The following NPAS3 variants were observed in gnomAD, a reference collection of about 807,000 sequenced individuals.
The protein encoded by NPAS3 is neuronal PAS domain protein 3.
A neutral mutation model predicts 73.1 loss-of-function variants in NPAS3; 14 were observed. The observed-to-expected ratio is 0.19, with a 90% CI of 0.13 to 0.30. The LOEUF (loss-of-function observed/expected upper bound fraction) is 0.30, where lower values mean the gene tolerates loss of function less well. NPAS3 is among the 10% of genes least tolerant of loss of function. The pLI, the probability that NPAS3 is intolerant of heterozygous loss-of-function variation, is 1.00. For missense variants in NPAS3, 1,096 were observed against 1,250.0 expected, an observed-to-expected ratio of 0.88 and a Z score of 1.86; for synonymous variants, 620 against 541.5, an observed-to-expected ratio of 1.14 and a Z score of -2.01.
intron 2 of NPAS3, among the ~76,000 whole-genome samples, chr14:33,088,846 G>GCAGCAACATTTGCTGTT (rs2138787834): frequency 6.6e-6 from 1 of 152,318 alleles, no homozygotes; most frequent in African/African-American, 2.4e-5. Context: ...GAACCATCAG[G>GCAGCAACATTTGCTGTT]CAGCAACATT....
At chr14:33,746,848 C>G (rs944326059) in intron 7 of NPAS3, among the ~76,000 whole-genome samples, 24 of 151,986 alleles carry the variant, frequency 1.6e-4, no homozygotes, top group Admixed American at 1.4e-3. Context: ...CACCCACTAA[C>G]TCGTCATCTA....
intron 5 of NPAS3, among the ~76,000 whole-genome samples, chr14:33,661,746 T>C (rs1444472879): frequency 2.0e-5 from 3 of 152,370 alleles, no homozygotes; most frequent in Non-Finnish European, 4.4e-5. Flanking sequence ...TCTATATTAT[T>C]ACATATTCAT....
chr14:33,624,725 G>C (rs990914272), intron 5 of NPAS3, among the ~76,000 whole-genome samples: 1 of 152,158 alleles, frequency 6.6e-6, no homozygotes, highest in African/African-American at 2.4e-5. Context: ...CAGTTTGAAT[G>C]AAAGGACCAG....
rs2043489339 is a variant in NPAS3, at chr14:33,127,928, A to C, written c.140+71934A>C. Among the ~76,000 whole-genome samples, 3 of 152,278 alleles carry C rather than the reference A, an allele frequency of 2.0e-5. No homozygotes were observed. In the South Asian group the frequency reaches 6.2e-4, roughly 32 times the overall value. Reference sequence around the variant, plus strand: ...ATCACTAAGACTTATTAAGGGAGGCATAGATTTATAAATTTCTTCCTGGAC... The same window carrying C: ...ATCACTAAGACTTATTAAGGGAGGCCTAGATTTATAAATTTCTTCCTGGAC... On this transcript the variant is annotated intron_variant, in intron 2 of 11. Coordinates refer to ENST00000356141, the Ensembl canonical transcript of NPAS3.
At chr14:33,404,938 A>C (rs1301112117) in intron 4 of NPAS3, among the ~76,000 whole-genome samples, 1 of 152,062 alleles carries the variant, frequency 6.6e-6, no homozygotes, top group Non-Finnish European at 1.5e-5. Context: ...TGTTTGTCCC[A>C]TGTTGCTCTT....
intron 3 of NPAS3, among the ~76,000 whole-genome samples, chr14:33,261,602 G>T (rs938982982): frequency 6.6e-6 from 1 of 151,992 alleles, no homozygotes; most frequent in Non-Finnish European, 1.5e-5. Flanking sequence ...AATATTAAGG[G>T]GTAGTATTTT....
chr14:33,041,597 A>G (rs1488170813), intron 1 of NPAS3, among the ~76,000 whole-genome samples: 2 of 152,202 alleles, frequency 1.3e-5, no homozygotes, highest in African/African-American at 4.8e-5. Context: ...AAATACTGTT[A>G]CCGAAACACT....
At chr14:33,544,591 C>T (rs2139654258) in intron 4 of NPAS3, among the ~76,000 whole-genome samples, 1 of 151,190 alleles carries the variant, frequency 6.6e-6, no homozygotes, top group South Asian at 2.1e-4. Flanking sequence ...AAAAGGTGAG[C>T]CACACCCTTC....
At chr14:33,506,907 T>C (rs2052792612) in intron 4 of NPAS3, among the ~76,000 whole-genome samples, 1 of 152,042 alleles carries the variant, frequency 6.6e-6, no homozygotes. Flanking sequence ...ACTTTTAAAA[T>C]TTCCTCCTAT....
chr14:33,602,178 G>C (rs187899054), intron 5 of NPAS3, among the ~76,000 whole-genome samples: 1 of 152,204 alleles, frequency 6.6e-6, no homozygotes, highest in African/African-American at 2.4e-5. Context: ...TTGCCCCTAA[G>C]TATTCAGCCG....
intron 2 of NPAS3, among the ~76,000 whole-genome samples, chr14:33,127,608 C>T (rs989975166): frequency 6.6e-6 from 1 of 152,114 alleles, no homozygotes; most frequent in Non-Finnish European, 1.5e-5. Flanking sequence ...TCAGATCCTG[C>T]ATTTTACGGA....
chr14:33,100,487 C>T (rs144485649), intron 2 of NPAS3, among the ~76,000 whole-genome samples: 330 of 152,212 alleles, frequency 2.2e-3, no homozygotes, highest in African/African-American at 6.6e-3. Context: ...GAAAAGCCTA[C>T]TTAGACATTT....
At chr14:33,495,684 T>G (rs892818810) in intron 4 of NPAS3, among the ~76,000 whole-genome samples, 2 of 152,086 alleles carry the variant, frequency 1.3e-5, no homozygotes, top group African/African-American at 4.8e-5. Flanking sequence ...ATATTTAGGA[T>G]AGTTAGCTCT....
At chr14:33,159,120 C>A (rs1311508433) in intron 2 of NPAS3, among the ~76,000 whole-genome samples, 2 of 152,136 alleles carry the variant, frequency 1.3e-5, no homozygotes, top group Admixed American at 6.5e-5. Context: ...CTAGATCACA[C>A]CACTGCACTC....
intron 5 of NPAS3, among the ~76,000 whole-genome samples, chr14:33,606,667 T>C (rs1006498980): frequency 2.6e-5 from 4 of 152,146 alleles, no homozygotes; most frequent in African/African-American, 9.7e-5. Flanking sequence ...GAGAAAACTT[T>C]TGTGACCTTC....
intron 2 of NPAS3, among the ~76,000 whole-genome samples, chr14:33,189,421 T>C (rs1172993249): frequency 1.3e-5 from 2 of 152,204 alleles, no homozygotes; most frequent in African/African-American, 4.8e-5. Flanking sequence ...TTCACCTTGA[T>C]TGGGCTGCTC....
In NPAS3 at chr14:33,509,103, G is replaced by A. The variant is rs2052915791; in HGVS notation, c.469-51018G>A. ...ACTATATCCTATATGTAAGTAAGAG[G>A]ATTCAATAGTCTTAAGGGGGTGGTA... On this transcript the variant is annotated intron_variant, in intron 4 of 11. Transcript: ENST00000356141. Among the ~76,000 whole-genome samples, 3 of 151,602 alleles carry A rather than the reference G, an allele frequency of 2.0e-5. No homozygotes were observed. In the South Asian group the frequency reaches 6.3e-4, roughly 32 times the overall value.
chr14:33,281,556 T>C (rs2041609820), intron 3 of NPAS3, among the ~76,000 whole-genome samples: 1 of 152,106 alleles, frequency 6.6e-6, no homozygotes, highest in Non-Finnish European at 1.5e-5. Context: ...CACTTGAACC[T>C]GGAAGGCAGA....
chr14:33,480,339 C>T (rs572036891), intron 4 of NPAS3, among the ~76,000 whole-genome samples: 3 of 152,256 alleles, frequency 2.0e-5, no homozygotes, highest in Admixed American at 1.3e-4. Flanking sequence ...AAAAGAAAGT[C>T]AGTGAGGATT....
Sources: allele counts gnomAD v4.1 joint callset (sites outside exome capture counted in the v4.1 genomes callset), GRCh38; gene constraint gnomAD v4.1.1; transcripts MANE v1.5; gene names NCBI Gene and HGNC (gene_info 2026-07-23, HGNC 2026-07-21).